FAM219A: variants seen among roughly 807,000 people sequenced by gnomAD.
FAM219A encodes family with sequence similarity 219 member A, also known as protein FAM219A.
FAM219A carries 7 observed loss-of-function variants against 23.4 expected under a neutral mutation model. The observed-to-expected ratio is 0.30, with a 90% CI of 0.17 to 0.56. The LOEUF is 0.56. Among genes scored for constraint, FAM219A ranks in the 20% least tolerant of loss-of-function variants. The probability of loss-of-function intolerance (pLI) is 0.92; values close to 1 mark genes in which losing one functional copy is unlikely to be tolerated. For missense variants in FAM219A, 166 were observed against 246.9 expected (o/e 0.67, Z 2.20); for synonymous variants, 93 against 99.0 (o/e 0.94, Z 0.36).
chr9:34,429,365 GGT>G (rs1822606480), intron 1 of FAM219A, among the ~76,000 whole-genome samples: 1 of 152,246 alleles, frequency 6.6e-6, no homozygotes, highest in African/African-American at 2.4e-5. Context: ...AGAGGAACAG[GGT>G]CCTGAGTGTT....
chr9:34,430,359 T>G (rs1385388029), intron 1 of FAM219A, among the ~76,000 whole-genome samples: 2 of 151,596 alleles, frequency 1.3e-5, no homozygotes, highest in Non-Finnish European at 2.9e-5. Flanking sequence ...CAAAACCCTG[T>G]CTCTACAAAA....
rs1014837340 is a variant in FAM219A, at chr9:34,407,998, C to T, written c.61-2034G>A. 2.6e-5 allele frequency among the ~76,000 whole-genome samples: 4 copies of T among 152,206 alleles called. No homozygotes were observed. The South Asian group carries it at 6.2e-4, about 24-fold the overall frequency. Reference sequence around the variant, plus strand: ...TTTGAGAGGGAAATCCTGGCCTTGTCTGTGTTCCTTCAGGCCATCCAGAGC... The same window carrying T: ...TTTGAGAGGGAAATCCTGGCCTTGTTTGTGTTCCTTCAGGCCATCCAGAGC... On this transcript the variant is annotated intron_variant, in intron 1 of 5. Transcript: ENST00000651358.
chr9:34,444,832 C>T (rs1002774608), intron 1 of FAM219A, among the ~76,000 whole-genome samples: 2 of 152,164 alleles, frequency 1.3e-5, no homozygotes, highest in Non-Finnish European at 2.9e-5. Flanking sequence ...TCTCTCTTTT[C>T]CTACTGCATT....
intron 1 of FAM219A, among the ~76,000 whole-genome samples, chr9:34,423,299 C>G (rs1430860582): frequency 1.3e-5 from 2 of 152,066 alleles, no homozygotes; most frequent in Non-Finnish European, 2.9e-5. Flanking sequence ...GGCAACTATC[C>G]CACTCTGGGG....
chr9:34,422,970 A>G lies in FAM219A; in HGVS notation c.61-17006T>C, dbSNP rs1822334062. On this transcript the variant is annotated intron_variant, in intron 1 of 5. Transcript: ENST00000651358. ...TGCTTGAGCCCAGGAGTTTGAGACCAGCCTGGGCAACATAGTAGGACTCCA... is the reference window on the plus strand; with the variant it reads ...TGCTTGAGCCCAGGAGTTTGAGACCGGCCTGGGCAACATAGTAGGACTCCA... Among the ~76,000 whole-genome samples, 5 of 152,324 alleles carry G rather than the reference A, an allele frequency of 3.3e-5. No individual in the cohort carries two copies. In the South Asian group the frequency reaches 8.3e-4, roughly 25 times the overall value.
At chr9:34,446,596 G>A (rs1238655677) in intron 1 of FAM219A, among the ~76,000 whole-genome samples, 2 of 152,186 alleles carry the variant, frequency 1.3e-5, no homozygotes, top group Non-Finnish European at 2.9e-5. Context: ...GAGAATGTGA[G>A]GTAAGAACAC....
intron 1 of FAM219A, among the ~76,000 whole-genome samples, chr9:34,424,274 G>C (rs958587174): frequency 6.6e-6 from 1 of 152,178 alleles, no homozygotes; most frequent in African/African-American, 2.4e-5. Context: ...GAGGACTCAA[G>C]ATGCTGTTCT....
At position 34,421,009 on chromosome 9, in the gene FAM219A, TGAGAGAGAGA is replaced by T. The variant is rs143749316; in HGVS notation, c.61-15055_61-15046del. Among the ~76,000 whole-genome samples, 176 of 86,440 alleles carry T rather than the reference TGAGAGAGAGA, an allele frequency of 2.0e-3. 1 individual carries two copies. Among genetic ancestry groups the T allele is most frequent in the South Asian group, 4.8e-3 (12 of 2,524 alleles). 56.7% of individuals were successfully genotyped at this position (86,440 alleles called of 152,430 possible). ...GTGTGTGTATGTGTGTGTGTGTGTG[TGAGAGAGAGA>T]GAGAGAGAGAGAGAGAGAGAGAGAG... is the stretch of plus-strand genomic sequence containing the variant. On this transcript the variant is annotated intron_variant, in intron 1 of 5. Coordinates refer to ENST00000651358, the MANE Select transcript of FAM219A (RefSeq NM_001184940.2).
At chr9:34,455,875 A>G (rs1823712026) in intron 1 of FAM219A, among the ~76,000 whole-genome samples, 1 of 152,174 alleles carries the variant, frequency 6.6e-6, no homozygotes, top group Non-Finnish European at 1.5e-5. Context: ...TGCTATTTCC[A>G]TAAGGCTCTC....
chr9:34,438,976 T>G (rs1823051406), intron 1 of FAM219A, among the ~76,000 whole-genome samples: 1 of 152,122 alleles, frequency 6.6e-6, no homozygotes, highest in South Asian at 2.1e-4. Context: ...CGCGAAGGTC[T>G]GCAGCTTCAC....
intron 1 of FAM219A, among the ~76,000 whole-genome samples, chr9:34,437,360 T>C: frequency 6.6e-6 from 1 of 152,306 alleles, no homozygotes; most frequent in Non-Finnish European, 1.5e-5. Context: ...CTGAGACATA[T>C]ATACCCTGGA....
rs34174911 is a variant in FAM219A at position 34,419,073 on chromosome 9, TCAAACAAACAAA to T, written c.61-13121_61-13110del. Among the ~76,000 whole-genome samples, 7 of 151,746 alleles carry T rather than the reference TCAAACAAACAAA, an allele frequency of 4.6e-5. No individual in the cohort carries two copies. In the East Asian group the frequency reaches 5.8e-4, roughly 13 times the overall value. On this transcript the variant is annotated intron_variant, in intron 1 of 5. Coordinates refer to ENST00000651358, the MANE Select transcript of FAM219A (RefSeq NM_001184940.2). ...TTGGGTGATAGAGCAAGACTCTGTC[TCAAACAAACAAA>T]CAAACAAACAAACAAACAAAGCCCC...
intron 1 of FAM219A, among the ~76,000 whole-genome samples, chr9:34,418,340 T>G (rs1822113643): frequency 6.6e-6 from 1 of 152,236 alleles, no homozygotes; most frequent in Non-Finnish European, 1.5e-5. Context: ...CTGCTATTCA[T>G]TCCTATTACC....
chr9:34,406,516 A>T, intron 1 of FAM219A: 1 of 984,132 alleles, frequency 1.0e-6, no homozygotes, highest in Non-Finnish European at 1.2e-6. Context: ...AATAGTTCTA[A>T]TGAGGACTTC....
At chr9:34,450,068 T>C (rs1034507318) in intron 1 of FAM219A, among the ~76,000 whole-genome samples, 6 of 152,166 alleles carry the variant, frequency 3.9e-5, no homozygotes, top group Admixed American at 3.3e-4. Context: ...TCCCAGCACT[T>C]TGGGAGGCCA....
chr9:34,431,373 C>T (rs1036100876), intron 1 of FAM219A, among the ~76,000 whole-genome samples: 1 of 152,192 alleles, frequency 6.6e-6, no homozygotes, highest in Non-Finnish European at 1.5e-5. Flanking sequence ...CACGGACACA[C>T]ACACAAACTC....
At chr9:34,453,395 T>G (rs1294923480) in intron 1 of FAM219A, among the ~76,000 whole-genome samples, 2 of 152,194 alleles carry the variant, frequency 1.3e-5, no homozygotes, top group South Asian at 4.1e-4. Flanking sequence ...CCCAAGCTCA[T>G]GTAGTCAGAG....
chr9:34,430,031 G>A (rs540926267), intron 1 of FAM219A, among the ~76,000 whole-genome samples: 100 of 152,252 alleles, frequency 6.6e-4, no homozygotes, highest in African/African-American at 2.1e-3. Flanking sequence ...GGACAGCTTG[G>A]GAGATGACAT....
intron 1 of FAM219A, among the ~76,000 whole-genome samples, chr9:34,446,170 C>T (rs1482711813): frequency 1.0e-5 from 1 of 96,212 alleles, no homozygotes; most frequent in Non-Finnish European, 1.9e-5. Flanking sequence ...GAGACTCTGT[C>T]TCAAAAAAAA....
Sources: allele counts gnomAD v4.1 joint callset (sites outside exome capture counted in the v4.1 genomes callset), GRCh38; gene constraint gnomAD v4.1.1; transcripts MANE v1.5; gene names NCBI Gene and HGNC (gene_info 2026-07-23, HGNC 2026-07-21).